The following TMC7 variants were observed in gnomAD, a reference collection of about 807,000 sequenced individuals.
The protein encoded by TMC7 is transmembrane channel like 7, also known as transmembrane channel-like protein 7.
In TMC7, 54 loss-of-function variants were observed where a neutral mutation model predicts 82.9. That is an observed-to-expected ratio of 0.65 (90% CI 0.52 to 0.82). The LOEUF is 0.82. Among genes scored for constraint, TMC7 ranks in the 40% least tolerant of loss-of-function variants. The pLI is 0.00. For synonymous variants in TMC7, 350 were observed against 337.9 expected, an observed-to-expected ratio of 1.04 and a Z score of -0.39; for missense variants, 820 against 901.2, an observed-to-expected ratio of 0.91 and a Z score of 1.15.
chr16:19,030,603 G>C (rs1960472854), intron 6 of TMC7, among the ~76,000 whole-genome samples: 1 of 149,006 alleles, frequency 6.7e-6, no homozygotes, highest in Non-Finnish European at 1.5e-5. Flanking sequence ...TTTCCAGACA[G>C]AGTCTTTCTC....
At chr16:19,033,013 C>G (rs527802168) in intron 6 of TMC7, among the ~76,000 whole-genome samples, 1 of 152,144 alleles carries the variant, frequency 6.6e-6, no homozygotes, top group South Asian at 2.1e-4. Flanking sequence ...TGGGGAAGGT[C>G]ATGGAGGGAG....
rs144914712 is a variant in TMC7, at chr16:19,008,882, C to G, written c.68-290C>G. ...TAAAACTTTGGGCAAGTTTAGATAA[C>G]TTGCCCAAGGCCATGCTTTTAGCTA... On this transcript the variant is annotated intron_variant, in intron 1 of 15. Transcript: ENST00000304381. Among the ~76,000 whole-genome samples, 510 of 152,286 alleles carry G rather than the reference C, an allele frequency of 3.3e-3. 2 individuals are homozygous for G. The highest frequency in any genetic ancestry group is 0.012 in the Admixed American group (177 of 15,292).
Position 19,063,924 on chromosome 16 carries a change from C to T in TMC7, c.*2081C>T, listed in dbSNP as rs1039531104. On this transcript the variant is annotated 3_prime_UTR_variant, in exon 16 of 16. Coordinates refer to ENST00000304381, the MANE Select transcript of TMC7 (RefSeq NM_024847.4). The stretch of plus-strand genomic sequence containing the variant: ...TGCCTTACAACTCCTGATTAAACGG[C>T]GTCTTGAAGGTTTTAAAATGTGATC... 6.6e-6 allele frequency: 1 copy of T among 152,108 alleles called. No individual in the cohort carries two copies. The highest frequency in any genetic ancestry group is 6.6e-5 in the Admixed American group (1 of 15,258). 9.4% of individuals were successfully genotyped at this position (152,108 alleles called of 1,614,324 possible). A position where few individuals can be genotyped will look rare whatever the true frequency, so the allele number is the denominator to read the frequency against.
intron 5 of TMC7, among the ~76,000 whole-genome samples, chr16:19,025,639 C>T (rs1006066193): frequency 6.6e-6 from 1 of 151,382 alleles, no homozygotes; most frequent in East Asian, 1.9e-4. Context: ...CAAAACAAAA[C>T]AAAAAACAAA....
chr16:19,056,486 G>T lies in TMC7; in HGVS notation c.1872-56G>T. 2.6e-6 allele frequency: 4 copies of T among 1,568,486 alleles called. No individual in the cohort carries two copies. In the South Asian group the frequency reaches 3.5e-5, roughly 14 times the overall value. On this transcript the variant is annotated intron_variant, in intron 13 of 15. Coordinates refer to ENST00000304381, the MANE Select transcript of TMC7 (RefSeq NM_024847.4). ...AAACATTCTGGGTGTACAGGGGCGG[G>T]ACACTCAACCTGTGCTGCACGCTCC...
At chr16:19,032,640 G>A (rs937152811) in intron 6 of TMC7, among the ~76,000 whole-genome samples, 2 of 150,958 alleles carry the variant, frequency 1.3e-5, no homozygotes, top group African/African-American at 4.9e-5. Flanking sequence ...TTTTGTTTTT[G>A]TTTTTCAAGA....
intron 1 of TMC7, among the ~76,000 whole-genome samples, chr16:18,990,265 T>A (rs565530090): frequency 3.9e-5 from 6 of 152,134 alleles, no homozygotes; most frequent in South Asian, 2.1e-4. Context: ...CTTTTGTGGA[T>A]CTTCAGTTAC....
At chr16:19,057,341 A>T (rs575549138) in intron 14 of TMC7, among the ~76,000 whole-genome samples, 7 of 152,292 alleles carry the variant, frequency 4.6e-5, no homozygotes, top group African/African-American at 1.2e-4. Context: ...AGAGAGATGA[A>T]CATCAGATTA....
chr16:19,016,711 T>C (rs1959714640), intron 3 of TMC7, 113 bp downstream of exon 3: 1 of 1,182,878 alleles, frequency 8.5e-7, no homozygotes, highest in Non-Finnish European at 1.2e-6. Flanking sequence ...CTTTCCATGA[T>C]GAATGTGAGC....
At chr16:19,028,264 T>C (rs1269949330) in intron 5 of TMC7, among the ~76,000 whole-genome samples, 2 of 152,128 alleles carry the variant, frequency 1.3e-5, no homozygotes, top group East Asian at 3.8e-4. Context: ...CCGGGCACAG[T>C]GGCTCAAAAC....
At chr16:19,014,361 C>A (rs1461681049) in intron 2 of TMC7, among the ~76,000 whole-genome samples, 2 of 152,132 alleles carry the variant, frequency 1.3e-5, no homozygotes, top group Non-Finnish European at 2.9e-5. Flanking sequence ...TGCAAAATCG[C>A]CCCCACTTGA....
intron 9 of TMC7, among the ~76,000 whole-genome samples, chr16:19,042,816 G>A (rs773431785): frequency 2.6e-5 from 4 of 151,280 alleles, no homozygotes; most frequent in Admixed American, 6.6e-5. Context: ...GCGCGATCTC[G>A]GCTCACTGCA....
At chr16:19,040,481 G>A (rs1164427753) in intron 9 of TMC7, 35 bp downstream of exon 9, 1 of 1,587,256 alleles carries the variant, frequency 6.3e-7, no homozygotes, top group South Asian at 1.1e-5. Flanking sequence ...GGCATGTCAA[G>A]CCAGTCACTA....
intron 7 of TMC7, among the ~76,000 whole-genome samples, chr16:19,036,648 G>T (rs540028540): frequency 1.3e-5 from 2 of 152,334 alleles, no homozygotes; most frequent in Admixed American, 1.3e-4. Flanking sequence ...CCAGGAGGCA[G>T]AGGTTGCAGT....
chr16:19,026,569 G>C (rs1960240691), intron 5 of TMC7, among the ~76,000 whole-genome samples: 1 of 151,552 alleles, frequency 6.6e-6, no homozygotes, highest in Non-Finnish European at 1.5e-5. Context: ...AAAAGTTTCT[G>C]TTTGTGAAAA....
chr16:19,000,480 C>T (rs554185015), intron 1 of TMC7, among the ~76,000 whole-genome samples: 1 of 151,782 alleles, frequency 6.6e-6, no homozygotes, highest in South Asian at 2.1e-4. Context: ...GTCTCAAAAG[C>T]AAAAACAAAA....
At chr16:19,009,516 A>G (rs1285298090) in intron 2 of TMC7, 101 bp downstream of exon 2, 5 of 1,441,268 alleles carry the variant, frequency 3.5e-6, no homozygotes, top group African/African-American at 1.4e-5. Context: ...TATAATTAAA[A>G]TTTTATTCCT....
intron 13 of TMC7, 72 bp downstream of exon 13, chr16:19,051,888 G>A (rs1240247419): frequency 1.9e-5 from 30 of 1,565,830 alleles, no homozygotes; most frequent in South Asian, 8.3e-5. Flanking sequence ...AAAAGCGTCC[G>A]TCATATCACA....
At chr16:19,005,640 C>A (rs894338135) in intron 1 of TMC7, among the ~76,000 whole-genome samples, 23 of 152,316 alleles carry the variant, frequency 1.5e-4, no homozygotes, top group African/African-American at 5.3e-4. Context: ...GGGCCCCTGA[C>A]CCCACAGCTG....
Sources: allele counts gnomAD v4.1 joint callset (sites outside exome capture counted in the v4.1 genomes callset), GRCh38; gene constraint gnomAD v4.1.1; transcripts MANE v1.5; gene names NCBI Gene and HGNC (gene_info 2026-07-23, HGNC 2026-07-21).